The following OR51B5 variants were observed in gnomAD, a reference collection of about 807,000 sequenced individuals.
OR51B5 encodes the protein olfactory receptor 51B5.
For missense variants in OR51B5, 456 were observed against 374.6 expected (o/e 1.22, Z -1.79); for synonymous variants, 186 against 144.8 (o/e 1.28, Z -2.04).
chr11:5,471,371 C>T (rs1379260806), intron 1 of OR51B5, among the ~76,000 whole-genome samples: 1 of 152,146 alleles, frequency 6.6e-6, no homozygotes, highest in Non-Finnish European at 1.5e-5. Flanking sequence ...GGTACAGTGG[C>T]TCATACCTGT....
At chr11:5,381,307 A>G (rs1007837403) in intron 1 of OR51B5, among the ~76,000 whole-genome samples, 54 of 152,216 alleles carry the variant, frequency 3.5e-4, no homozygotes, top group African/African-American at 1.3e-3. Flanking sequence ...AATACCTTAA[A>G]GGTTAAGGCC....
At chr11:5,446,652 T>C (rs1498491) in intron 1 of OR51B5, among the ~76,000 whole-genome samples, 64,143 of 152,108 alleles carry the variant, frequency 0.42, 15,457 homozygotes, top group Non-Finnish European at 0.55. Flanking sequence ...AATTTTTCAG[T>C]TGAAGCTATT....
In OR51B5 at chr11:5,477,834, T is replaced by C. The variant is rs566209978; in HGVS notation, n.84+27735A>G. 5.3e-5 allele frequency among the ~76,000 whole-genome samples: 8 copies of C among 152,270 alleles called. No homozygotes were observed. In the East Asian group the frequency reaches 1.2e-3, roughly 22 times the overall value. ...TAAAAAACGGCGCACCATGAGATTATATCCCGCACCTGGCTCGGAGGGTCC... is the reference window on the plus strand; with the variant it reads ...TAAAAAACGGCGCACCATGAGATTACATCCCGCACCTGGCTCGGAGGGTCC... On this transcript the variant is annotated intron_variant and non_coding_transcript_variant, in intron 1 of 4. Transcript: ENST00000415970.
intron 1 of OR51B5, among the ~76,000 whole-genome samples, chr11:5,466,239 T>G (rs1258201416): frequency 6.6e-6 from 1 of 152,208 alleles, no homozygotes; most frequent in East Asian, 1.9e-4. Flanking sequence ...AGATGAGGCT[T>G]TTTTCATAAG....
intron 1 of OR51B5, among the ~76,000 whole-genome samples, chr11:5,421,468 T>C (rs1850336377): frequency 6.6e-6 from 1 of 152,238 alleles, no homozygotes; most frequent in Non-Finnish European, 1.5e-5. Context: ...TAAATGTAGA[T>C]AGTACTCAAT....
chr11:5,483,748 T>C (rs867345303), intron 1 of OR51B5, among the ~76,000 whole-genome samples: 18 of 152,238 alleles, frequency 1.2e-4, no homozygotes, highest in Admixed American at 2.6e-4. Flanking sequence ...ATCAAATCCT[T>C]AGGGGATGCC....
At chr11:5,387,428 G>A (rs1849712898) in intron 1 of OR51B5, among the ~76,000 whole-genome samples, 1 of 152,120 alleles carries the variant, frequency 6.6e-6, no homozygotes, top group Admixed American at 6.6e-5. Flanking sequence ...AAACTGAGAA[G>A]TAAAGAAATG....
rs148783725 is a variant in OR51B5, at chr11:5,468,152, T to C, written n.84+37417A>G. Among the ~76,000 whole-genome samples, 12 of 152,364 alleles carry C rather than the reference T, an allele frequency of 7.9e-5. No individual in the cohort carries two copies. In the East Asian group the frequency reaches 1.5e-3, roughly 20 times the overall value. ...ACATTATAACATTATATAACGAATG[T>C]ATGCATTAGTTTTTGTCTGTTTCTG... On this transcript the variant is annotated intron_variant and non_coding_transcript_variant, in intron 1 of 4. Coordinates refer to the OR51B5 transcript ENST00000415970.
intron 1 of OR51B5, among the ~76,000 whole-genome samples, chr11:5,464,534 G>A (rs929829799): frequency 6.7e-6 from 1 of 150,278 alleles, no homozygotes; most frequent in Non-Finnish European, 1.5e-5. Context: ...AGAATATGTG[G>A]TGTTTGGTTT....
intron 1 of OR51B5, among the ~76,000 whole-genome samples, chr11:5,433,911 T>C (rs1013160700): frequency 2.0e-5 from 3 of 152,162 alleles, no homozygotes; most frequent in African/African-American, 7.2e-5. Flanking sequence ...TCCTGCATTC[T>C]CTTACTCTCT....
At chr11:5,453,992 C>T (rs1178132227) in intron 1 of OR51B5, 2 of 1,614,068 alleles carry the variant, frequency 1.2e-6, no homozygotes, top group South Asian at 2.2e-5. Context: ...GGCTGCCTAT[C>T]TGCAGATCCA....
At chr11:5,403,577 T>C (rs1218482840) in intron 1 of OR51B5, 1 of 456,146 alleles carries the variant, frequency 2.2e-6, no homozygotes, top group East Asian at 7.1e-5. Flanking sequence ...GAAATGTTTT[T>C]GTTTGTTTGC....
intron 1 of OR51B5, chr11:5,422,332 T>C: frequency 6.2e-7 from 1 of 1,614,122 alleles, no homozygotes; most frequent in Non-Finnish European, 8.5e-7. Context: ...TCATGGGCAA[T>C]ACCACCATCC....
intron 1 of OR51B5, chr11:5,422,431 C>T (rs759316624): frequency 1.2e-6 from 2 of 1,614,172 alleles, no homozygotes; most frequent in South Asian, 2.2e-5. Flanking sequence ...GTCTCACCCT[C>T]ACCACCCTAC....
At chr11:5,397,189 C>A (rs936998883) in intron 1 of OR51B5, among the ~76,000 whole-genome samples, 2 of 152,118 alleles carry the variant, frequency 1.3e-5, no homozygotes, top group African/African-American at 4.8e-5. Context: ...GCAACAAAAG[C>A]CAAAATTCAC....
Position 5,454,170 on chromosome 11 carries a change from A to G in OR51B5, n.84+51399T>C, listed in dbSNP as rs1474442412. 1.9e-6 allele frequency: 3 copies of G among 1,613,690 alleles called. No homozygotes were observed. The African/African-American group carries it at 4.0e-5, about 22-fold the overall frequency. ...GCTCATTCTGCGTTCTGTCATGGCC[A>G]CTGCTTCCCGTGAGGAACGCCTCAA... On this transcript the variant is annotated intron_variant and non_coding_transcript_variant, in intron 1 of 4. Coordinates refer to the OR51B5 transcript ENST00000415970.
chr11:5,413,081 G>C (rs1462485133), intron 1 of OR51B5, among the ~76,000 whole-genome samples: 1 of 152,188 alleles, frequency 6.6e-6, no homozygotes, highest in African/African-American at 2.4e-5. Context: ...ACTCCTCTGA[G>C]ACAAAACTTC....
rs1003508162 is a variant in OR51B5, at chr11:5,399,853, T to C, written n.85-52943A>G. 3.3e-5 allele frequency among the ~76,000 whole-genome samples: 5 copies of C among 152,084 alleles called. No homozygotes were observed. In the South Asian group the frequency reaches 1.0e-3, roughly 32 times the overall value. ...AGAGAAGGCAGAGGAGGAGAGACTC[T>C]AGTTTCAAGTATCAGTCAAGATTTG... On this transcript the variant is annotated intron_variant and non_coding_transcript_variant, in intron 1 of 4. Transcript: ENST00000415970.
chr11:5,494,086 C>G (rs1002178627), intron 1 of OR51B5, among the ~76,000 whole-genome samples: 2 of 152,208 alleles, frequency 1.3e-5, no homozygotes, highest in Non-Finnish European at 2.9e-5. Flanking sequence ...AGCATAACTT[C>G]TACCATACAA....
Sources: gnomAD v4.1 joint callset for allele counts (sites outside exome capture counted in the v4.1 genomes callset) on GRCh38, gnomAD v4.1.1 for gene constraint, MANE v1.5 for transcripts, NCBI Gene and HGNC (gene_info 2026-07-23, HGNC 2026-07-21) for gene names.